The following ARAP2 variants were observed in gnomAD, a reference collection of about 807,000 sequenced individuals.
The protein encoded by ARAP2 is ArfGAP with RhoGAP domain, ankyrin repeat and PH domain 2.
In ARAP2, 148 loss-of-function variants were observed where a neutral mutation model predicts 194.5. The observed-to-expected ratio is 0.76, with a 90% CI of 0.67 to 0.87. The LOEUF (loss-of-function observed/expected upper bound fraction) is 0.87, where lower values mean the gene tolerates loss of function less well. Among genes scored for constraint, ARAP2 ranks in the 40% least tolerant of loss-of-function variants. The probability of loss-of-function intolerance (pLI) is 0.00; values close to 1 mark genes in which losing one functional copy is unlikely to be tolerated. For missense variants in ARAP2, 2,128 were observed against 1,989.7 expected, an observed-to-expected ratio of 1.07 and a Z score of -1.32; for synonymous variants, 695 against 683.5, an observed-to-expected ratio of 1.02 and a Z score of -0.26.
intron 1 of ARAP2, among the ~76,000 whole-genome samples, chr4:36,234,108 T>G (rs1378419811): frequency 2.0e-5 from 3 of 152,210 alleles, no homozygotes; most frequent in Admixed American, 1.3e-4. Flanking sequence ...TTGCGGTTTC[T>G]CTCAAATGCA....
At chr4:36,009,469 A>G (rs1031867198) in intron 9 of ARAP2, among the ~76,000 whole-genome samples, 2 of 152,094 alleles carry the variant, frequency 1.3e-5, no homozygotes, top group African/African-American at 4.8e-5. Flanking sequence ...TTGGGTATAC[A>G]TGGTCTGGTC....
intron 7 of ARAP2, among the ~76,000 whole-genome samples, chr4:36,192,168 G>GTTTTTT (rs569144058): frequency 2.9e-4 from 29 of 100,684 alleles, no homozygotes; most frequent in Non-Finnish European, 3.5e-4. Context: ...CAGTGTTTCT[G>GTTTTTT]TTTTTTTTTT....
Position 36,213,244 on chromosome 4 carries a change from T to C in ARAP2, c.1040A>G (p.Lys347Arg). The C allele has an allele frequency of 6.3e-7, 1 of 1,592,024 alleles. No homozygotes were observed. The highest frequency in any genetic ancestry group is 8.6e-7 in the Non-Finnish European group (1 of 1,160,806). The change falls in exon 4 of 33, where the codon AAG becomes AGG. Residue 347 changes from lysine (K) to arginine (R), a missense_variant and splice_region_variant. Physicochemically the swap from Lys to Arg is conservative, Grantham distance 26. Coordinates refer to ENST00000303965, the MANE Select transcript of ARAP2 (RefSeq NM_015230.4). ...TFLFQRLENS[K>R]KRSIKNEFLT... is the part of the protein sequence containing the mutation. ...ACAATTAAAATGTATGGGACTAACC[T>C]TGGAATTTTCTAGTCTCTGGAAGAG... is the stretch of plus-strand genomic sequence containing the variant.
chr4:36,093,650 CA>C (rs1203309184), intron 27 of ARAP2, among the ~76,000 whole-genome samples: 4 of 152,010 alleles, frequency 2.6e-5, no homozygotes, highest in African/African-American at 9.7e-5. Context: ...ATTTTGGATT[CA>C]GGGGTACATG....
intron 32 of ARAP2, among the ~76,000 whole-genome samples, chr4:36,071,168 TAATA>T (rs763133630): frequency 1.5e-4 from 23 of 152,230 alleles, no homozygotes; most frequent in Non-Finnish European, 3.2e-4. Flanking sequence ...CCCAGTTCCT[TAATA>T]TTTTGTCTCA....
At chr4:36,113,586 C>T (rs777860700) in intron 26 of ARAP2, among the ~76,000 whole-genome samples, 25 of 151,878 alleles carry the variant, frequency 1.6e-4, no homozygotes, top group Non-Finnish European at 3.1e-4. Context: ...GGTACAAAGA[C>T]ATTCTGTGTA....
intron 8 of ARAP2, among the ~76,000 whole-genome samples, chr4:36,184,087 T>C (rs1302661488): frequency 6.6e-6 from 1 of 152,190 alleles, no homozygotes; most frequent in Non-Finnish European, 1.5e-5. Context: ...CTCTAGTTGA[T>C]CTACCAGTTC....
At position 36,118,991 on chromosome 4, in the gene ARAP2, T is replaced by G. The variant is rs180949696; in HGVS notation, c.3963+659A>C. 1.4e-3 allele frequency among the ~76,000 whole-genome samples: 215 copies of G among 151,512 alleles called. 1 individual carries two copies. The highest frequency in any genetic ancestry group is 5.0e-3 in the African/African-American group (209 of 41,468). ...GTAAACAGAGCACATCTGATCCATT[T>G]CTATCATTTATATTGGTACCCTGAA... is the stretch of plus-strand genomic sequence containing the variant. On this transcript the variant is annotated intron_variant, in intron 24 of 32. Coordinates refer to ENST00000303965, the MANE Select transcript of ARAP2 (RefSeq NM_015230.4).
chr4:36,107,501 A>G, intron 27 of ARAP2, 64 bp downstream of exon 27: 1 of 1,491,226 alleles, frequency 6.7e-7, no homozygotes, highest in Non-Finnish European at 9.0e-7. Flanking sequence ...CTTGTGCCAT[A>G]TTAATTACCC....
intron 20 of ARAP2, among the ~76,000 whole-genome samples, chr4:36,131,653 T>C (rs1399809111): frequency 6.6e-6 from 1 of 151,720 alleles, no homozygotes; most frequent in Non-Finnish European, 1.5e-5. Context: ...TAGAAAAACA[T>C]TAAATTGGCT....
chr4:36,202,234 T>C (rs539877995), intron 6 of ARAP2, among the ~76,000 whole-genome samples: 1 of 152,290 alleles, frequency 6.6e-6, no homozygotes, highest in South Asian at 2.1e-4. Context: ...ATTATTCTTT[T>C]AAGAAGCAGA....
Position 36,210,170 on chromosome 4 carries a change from C to T in ARAP2, c.1487+220G>A, listed in dbSNP as rs989874051. Among the ~76,000 whole-genome samples the T allele has an allele frequency of 9.2e-5, 14 of 152,006 alleles. No homozygotes were observed. The East Asian group carries it at 9.6e-4, about 10-fold the overall frequency. ...GGTCATAACTTTCTATTTTAATTTGCGACTCTGGACCTTAATGCAGCATTG... is the reference window on the plus strand; with the variant it reads ...GGTCATAACTTTCTATTTTAATTTGTGACTCTGGACCTTAATGCAGCATTG... On this transcript the variant is annotated intron_variant, in intron 6 of 32. Transcript: ENST00000303965.
intron 9 of ARAP2, among the ~76,000 whole-genome samples, chr4:36,172,417 CTTAA>C (rs1007422221): frequency 5.9e-5 from 9 of 152,166 alleles, no homozygotes; most frequent in Non-Finnish European, 1.3e-4. Flanking sequence ...GATACATCCA[CTTAA>C]TTCTTTCATT....
intron 6 of ARAP2, among the ~76,000 whole-genome samples, chr4:36,202,506 AG>A (rs916740826): frequency 6.6e-6 from 1 of 151,914 alleles, no homozygotes; most frequent in African/African-American, 2.4e-5. Flanking sequence ...AAAAAAAAAA[AG>A]GTACTCAACA....
chr4:36,179,015 C>T (rs1385986064), intron 8 of ARAP2, among the ~76,000 whole-genome samples: 3 of 152,068 alleles, frequency 2.0e-5, no homozygotes, highest in African/African-American at 4.8e-5. Context: ...ATTAATTTAT[C>T]AATGAATACA....
intron 23 of ARAP2, among the ~76,000 whole-genome samples, chr4:36,119,943 A>G (rs182825975): frequency 7.1e-4 from 107 of 151,598 alleles, no homozygotes; most frequent in African/African-American, 2.6e-3. Flanking sequence ...TCAGGCTGCA[A>G]TTGCATTGAT....
Position 36,073,722 on chromosome 4 carries a change from C to T in ARAP2, c.4710G>A (p.Glu1570=). 3 of 1,612,890 alleles carry T rather than the reference C, an allele frequency of 1.9e-6. No homozygotes were observed. The highest frequency in any genetic ancestry group is 1.3e-5 in the African/African-American group (1 of 74,958). Reference sequence around the variant, plus strand: ...TTTTCCGGGCCAAGGTTGCATTCCCCTCATGCTGTATAGGAATCAGAGGCA... The same window carrying T: ...TTTTCCGGGCCAAGGTTGCATTCCCTTCATGCTGTATAGGAATCAGAGGCA... ...GGLPLIPIQH[E]GNATLARKNI... The change falls in exon 32 of 33, where the codon GAG becomes GAA. Residue 1570 remains glutamate (E), a synonymous_variant. Coordinates refer to ENST00000303965, the MANE Select transcript of ARAP2 (RefSeq NM_015230.4).
chr4:36,140,177 T>C (rs374630171), intron 19 of ARAP2, among the ~76,000 whole-genome samples: 13 of 71,980 alleles, frequency 1.8e-4, no homozygotes, highest in East Asian at 5.6e-4. Context: ...CACACACACA[T>C]CTTAGAGGGA....
chr4:36,136,432 T>A (rs1282033728), intron 19 of ARAP2, among the ~76,000 whole-genome samples: 1 of 151,716 alleles, frequency 6.6e-6, no homozygotes, highest in East Asian at 1.9e-4. Context: ...AGAAACCAAG[T>A]CCTAGGACTA....
Sources: gnomAD v4.1 joint callset for allele counts (sites outside exome capture counted in the v4.1 genomes callset) on GRCh38, gnomAD v4.1.1 for gene constraint, MANE v1.5 for transcripts, NCBI Gene and HGNC (gene_info 2026-07-23, HGNC 2026-07-21) for gene names.